Variants in NUP98 observed in about 807,000 individuals in gnomAD.
The protein encoded by NUP98 is nuclear pore complex protein Nup98-Nup96.
In NUP98, 26 loss-of-function variants were observed where a neutral mutation model predicts 191.9. The ratio of observed to expected loss-of-function variants is 0.14; its 90% CI spans 0.10 to 0.19. NUP98 has a LOEUF of 0.19. NUP98 is among the 10% of genes least tolerant of loss of function. The pLI is 1.00. For synonymous variants in NUP98, 808 were observed against 778.4 expected (o/e 1.04, Z -0.63); for missense variants, 1,941 against 2,178.8 (o/e 0.89, Z 2.17).
At chr11:3,688,774 G>T (rs544968960) in intron 28 of NUP98, among the ~76,000 whole-genome samples, 8 of 132,406 alleles carry the variant, frequency 6.0e-5, no homozygotes, top group African/African-American at 2.0e-4. Context: ...TAGACTGGGC[G>T]ACAGAGAGAG....
intron 5 of NUP98, among the ~76,000 whole-genome samples, chr11:3,775,108 A>G (rs1055595860): frequency 5.9e-5 from 9 of 152,176 alleles, no homozygotes; most frequent in Non-Finnish European, 1.2e-4. Context: ...CTCTCAAAAA[A>G]AGAACACATA....
chr11:3,698,197 T>A (rs932549780), intron 25 of NUP98, among the ~76,000 whole-genome samples: 1 of 152,194 alleles, frequency 6.6e-6, no homozygotes, highest in African/African-American at 2.4e-5. Flanking sequence ...CAGCAGGATA[T>A]CACCTTTGAA....
intron 8 of NUP98, among the ~76,000 whole-genome samples, chr11:3,766,689 CAAAAAAAAAAAA>C (rs544567161): frequency 5.1e-5 from 3 of 58,886 alleles, no homozygotes; most frequent in Admixed American, 2.0e-4. Context: ...AACTCCGTCT[CAAAAAAAAAAAA>C]AAAAAAAAAG....
intron 12 of NUP98, among the ~76,000 whole-genome samples, chr11:3,737,826 A>C (rs2080127300): frequency 6.6e-6 from 1 of 152,128 alleles, no homozygotes; most frequent in Non-Finnish European, 1.5e-5. Flanking sequence ...AGAGTAAATC[A>C]TCTGTATTCA....
In NUP98 at chr11:3,773,746, A is replaced by C. The variant is rs771880021; in HGVS notation, c.496-7T>G. 5 of 1,592,864 alleles carry C rather than the reference A, an allele frequency of 3.1e-6. No individual in the cohort carries two copies. The African/African-American group carries it at 6.7e-5, about 21-fold the overall frequency. ...TATCTGTACCAGTTGGAGGCTGCAA[A>C]GTTAAATAAAGGCAAATTTGTAGGT... is the stretch of plus-strand genomic sequence containing the variant. On this transcript the variant is annotated splice_region_variant and splice_polypyrimidine_tract_variant and intron_variant, in intron 5 of 32. Transcript: ENST00000324932.
At chr11:3,701,688 TCTC>T (rs1346790481) in intron 23 of NUP98, among the ~76,000 whole-genome samples, 3 of 148,908 alleles carry the variant, frequency 2.0e-5, no homozygotes, top group African/African-American at 5.1e-5. Flanking sequence ...TTTTCTTTTC[TCTC>T]TTTTTTTTTT....
chr11:3,689,929 G>A (rs2078254987), intron 28 of NUP98, among the ~76,000 whole-genome samples: 1 of 148,950 alleles, frequency 6.7e-6, no homozygotes, highest in Non-Finnish European at 1.5e-5. Flanking sequence ...GAGCCACCAT[G>A]GCTGGCCTGC....
chr11:3,678,119 C>T (rs1378172863), intron 31 of NUP98, among the ~76,000 whole-genome samples: 1 of 131,356 alleles, frequency 7.6e-6, no homozygotes, highest in Non-Finnish European at 1.6e-5. Context: ...GCCTGGGTGA[C>T]AGAGTAAAAC....
intron 6 of NUP98, among the ~76,000 whole-genome samples, chr11:3,772,807 C>A (rs1157621206): frequency 1.8e-5 from 2 of 113,696 alleles, no homozygotes; most frequent in African/African-American, 8.0e-5. Flanking sequence ...GAGCAAGACT[C>A]GTCTCAAAAA....
At chr11:3,707,713 T>C (rs1176914346) in intron 20 of NUP98, among the ~76,000 whole-genome samples, 5 of 106,134 alleles carry the variant, frequency 4.7e-5, no homozygotes, top group Non-Finnish European at 6.9e-5. Context: ...CATTCCAGCA[T>C]GGGCAACAGA....
intron 1 of NUP98, among the ~76,000 whole-genome samples, chr11:3,785,694 C>T (rs1005742635): frequency 3.9e-5 from 6 of 151,940 alleles, no homozygotes; most frequent in East Asian, 1.9e-4. Context: ...AGGAAGCAGA[C>T]GTTGCAGTTA....
intron 21 of NUP98, among the ~76,000 whole-genome samples, chr11:3,705,750 T>G (rs916900871): frequency 6.6e-6 from 1 of 152,186 alleles, no homozygotes; most frequent in African/African-American, 2.4e-5. Context: ...GTGGAGCACA[T>G]ACAGAGTCTT....
intron 4 of NUP98, among the ~76,000 whole-genome samples, chr11:3,777,254 T>TA (rs879559293): frequency 5.3e-5 from 8 of 151,654 alleles, no homozygotes; most frequent in Non-Finnish European, 1.0e-4. Context: ...AAGCTGAGTT[T>TA]AAAAAAAAAT....
Position 3,702,802 on chromosome 11 carries a change from G to C in NUP98, c.3173C>G (p.Ser1058Cys), listed in dbSNP as rs779389096. 2 of 1,614,174 alleles carry C rather than the reference G, an allele frequency of 1.2e-6. No homozygotes were observed. Among genetic ancestry groups the C allele is most frequent in the South Asian group, 2.2e-5 (2 of 91,086 alleles). Reference protein sequence around the residue: ...VQECRTPRAASLMNIPSTSSW... With the variant: ...VQECRTPRAACLMNIPSTSSW... Reference sequence around the variant, plus strand: ...GGATGTGGATGGGATATTCATTAAAGATGCTGCTCTGGGAGTACGACATTC... The same window carrying C: ...GGATGTGGATGGGATATTCATTAAACATGCTGCTCTGGGAGTACGACATTC... Residue 1058 changes from serine (S) to cysteine (C), a missense_variant, in exon 23 of 33, where the codon TCT becomes TGT. Coordinates refer to ENST00000324932, the MANE Select transcript of NUP98 (RefSeq NM_016320.5).
intron 5 of NUP98, 38 bp downstream of exon 5, chr11:3,775,844 G>A: frequency 6.3e-7 from 1 of 1,595,648 alleles, no homozygotes; most frequent in Non-Finnish European, 8.6e-7. Flanking sequence ...ATACATGCGG[G>A]AAAAAACATT....
chr11:3,777,640 A>AC, intron 4 of NUP98, among the ~76,000 whole-genome samples: 1 of 151,130 alleles, frequency 6.6e-6, no homozygotes, highest in Non-Finnish European at 1.5e-5. Context: ...AAAAAAAAAA[A>AC]AGAAGTTATA....
chr11:3,694,374 AAAC>A lies in NUP98; in HGVS notation c.4168-1002_4168-1000del, dbSNP rs1244373641. On this transcript the variant is annotated intron_variant, in intron 26 of 32. Coordinates refer to ENST00000324932, the MANE Select transcript of NUP98 (RefSeq NM_016320.5). ...AATAAGAGCGAAACTCTATCTCAAAAAACAACAACAACAACAAAAATAACGCTT... is the reference window on the plus strand; with the variant it reads ...AATAAGAGCGAAACTCTATCTCAAAAAACAACAACAACAAAAATAACGCTT... Among the ~76,000 whole-genome samples, 5 of 151,522 alleles carry A rather than the reference AAAC, an allele frequency of 3.3e-5. No individual in the cohort carries two copies. The South Asian group carries it at 6.3e-4, about 19-fold the overall frequency.
At chr11:3,705,893 T>C (rs962330484) in intron 21 of NUP98, among the ~76,000 whole-genome samples, 2 of 149,876 alleles carry the variant, frequency 1.3e-5, no homozygotes, top group Non-Finnish European at 2.9e-5. Flanking sequence ...CTCATGCCTA[T>C]AATCCTAGCA....
intron 12 of NUP98, among the ~76,000 whole-genome samples, chr11:3,743,500 A>G (rs1004490023): frequency 5.4e-5 from 8 of 149,148 alleles, no homozygotes; most frequent in Non-Finnish European, 1.0e-4. Context: ...CAAAAAAATT[A>G]GCTGGGCATG....
Sources: gnomAD v4.1 joint callset for allele counts (sites outside exome capture counted in the v4.1 genomes callset) on GRCh38, gnomAD v4.1.1 for gene constraint, MANE v1.5 for transcripts, NCBI Gene and HGNC (gene_info 2026-07-23, HGNC 2026-07-21) for gene names.